The following SLC38A9 variants were observed in gnomAD, a reference collection of about 807,000 sequenced individuals.
SLC38A9 encodes the protein neutral amino acid transporter 9.
Under a neutral mutation model 62.3 loss-of-function variants are expected in SLC38A9, and 48 were observed. That is an observed-to-expected ratio of 0.77 (90% CI 0.61 to 0.98). The LOEUF (loss-of-function observed/expected upper bound fraction) is 0.98. SLC38A9 is among the 50% of genes least tolerant of loss of function. The probability of loss-of-function intolerance (pLI) is 0.00; values close to 1 mark genes in which losing one functional copy is unlikely to be tolerated. For missense variants in SLC38A9, 541 were observed against 679.8 expected (o/e 0.80, Z 2.27); for synonymous variants, 204 against 227.7 (o/e 0.90, Z 0.94).
At chr5:55,691,769 C>T (rs1195538993) in intron 3 of SLC38A9, among the ~76,000 whole-genome samples, 2 of 152,144 alleles carry the variant, frequency 1.3e-5, no homozygotes, top group Admixed American at 6.5e-5. Flanking sequence ...CCTTATTCCA[C>T]CCCCAAATCA....
intron 3 of SLC38A9, among the ~76,000 whole-genome samples, chr5:55,686,387 G>A (rs112641351): frequency 0.039 from 5,938 of 151,224 alleles, 157 homozygotes; most frequent in African/African-American, 0.083. Context: ...GTGATATTGA[G>A]CTTTTTTTAT....
intron 13 of SLC38A9, chr5:55,634,793 C>T (rs1002547397): frequency 6.6e-6 from 1 of 152,180 alleles, no homozygotes; most frequent in African/African-American, 2.4e-5. Flanking sequence ...CCATTGTACT[C>T]TATAAGAGGA....
intron 11 of SLC38A9, among the ~76,000 whole-genome samples, chr5:55,648,966 T>C (rs1746888360): frequency 6.6e-6 from 1 of 151,998 alleles, no homozygotes; most frequent in Non-Finnish European, 1.5e-5. Context: ...ACACAGAAAA[T>C]TCAAGTATTA....
chr5:55,641,760 T>C (rs763406650), intron 12 of SLC38A9, among the ~76,000 whole-genome samples: 3 of 152,214 alleles, frequency 2.0e-5, no homozygotes, highest in Non-Finnish European at 4.4e-5. Flanking sequence ...ACATACACAG[T>C]GACCAGTCAT....
intron 3 of SLC38A9, among the ~76,000 whole-genome samples, chr5:55,689,756 T>C (rs942945664): frequency 9.9e-5 from 15 of 152,198 alleles, no homozygotes; most frequent in African/African-American, 3.1e-4. Context: ...GTTCAACTTA[T>C]GATTTTTTGA....
intron 10 of SLC38A9, among the ~76,000 whole-genome samples, chr5:55,650,691 G>A (rs1212817670): frequency 6.6e-6 from 1 of 152,204 alleles, no homozygotes; most frequent in African/African-American, 2.4e-5. Flanking sequence ...AGTGAATCCT[G>A]TTCCTGAGGC....
rs749362910 is a variant in SLC38A9 at position 55,652,666 on chromosome 5, T to C, written c.815A>G (p.Tyr272Cys). 1.2e-5 allele frequency: 19 copies of C among 1,613,456 alleles called. No homozygotes were observed. The South Asian group carries it at 2.0e-4, about 17-fold the overall frequency. The change falls in exon 10 of 16, where the codon TAT (tyrosine) becomes TGT (cysteine). Residue 272 changes from tyrosine to cysteine, a missense_variant. By Grantham distance (194) the Tyr-to-Cys change is radical (BLOSUM62 -2). Transcript: ENST00000396865. ...GHPDNSSMIF[Y>C]ANDTGAQQFE... is the part of the protein sequence containing the mutation. ...CTGTTGGGCTCCTGTGTCATTGGCA[T>C]AGAAAATCATAGAGCTGTTGTCAGG...
At chr5:55,702,860 T>G (rs2150686822) in intron 2 of SLC38A9, 1 of 152,208 alleles carries the variant, frequency 6.6e-6, no homozygotes, top group Middle Eastern at 3.4e-3. Flanking sequence ...TGCCCAACGT[T>G]TAAGCAAGTC....
intron 8 of SLC38A9, among the ~76,000 whole-genome samples, chr5:55,659,910 C>G (rs927616497): frequency 6.6e-6 from 1 of 151,568 alleles, no homozygotes; most frequent in Non-Finnish European, 1.5e-5. Context: ...GGACTACAGG[C>G]ACCCGCCACC....
At position 55,635,412 on chromosome 5, in the gene SLC38A9, T is replaced by C. The variant is rs140040529; in HGVS notation, c.1281+132A>G. On this transcript the variant is annotated intron_variant, in intron 13 of 15. Transcript: ENST00000396865. The stretch of plus-strand genomic sequence containing the variant: ...AGGGAAGGTGCCTAAATTCCCATAC[T>C]TGGAGTAGATAGCAGAGATGGTATT... 7.5e-5 allele frequency: 54 copies of C among 721,938 alleles called. No homozygotes were observed. In the African/African-American group the frequency reaches 8.5e-4, roughly 11 times the overall value. The allele number at this position is 721,938 out of a possible 1,614,324, so 44.7% of individuals were successfully genotyped here. A position where few individuals can be genotyped will look rare whatever the true frequency, so the allele number is the denominator to read the frequency against.
At chr5:55,692,889 T>C (rs746891629) in intron 3 of SLC38A9, 5 of 978,412 alleles carry the variant, frequency 5.1e-6, no homozygotes, top group Non-Finnish European at 6.1e-6. Flanking sequence ...AAAAGTCTTA[T>C]TTCATTATCT....
At chr5:55,661,171 G>A (rs1749457920) in intron 8 of SLC38A9, among the ~76,000 whole-genome samples, 1 of 151,892 alleles carries the variant, frequency 6.6e-6, no homozygotes. Context: ...TAGGCCGAGC[G>A]CAGTGGCTCA....
At chr5:55,676,972 C>G (rs1469513978) in intron 3 of SLC38A9, among the ~76,000 whole-genome samples, 1 of 152,130 alleles carries the variant, frequency 6.6e-6, no homozygotes, top group East Asian at 1.9e-4. Context: ...TCTGCAATTT[C>G]ACACACATGG....
At chr5:55,680,271 T>C (rs1031481753) in intron 3 of SLC38A9, among the ~76,000 whole-genome samples, 2 of 152,224 alleles carry the variant, frequency 1.3e-5, no homozygotes, top group African/African-American at 4.8e-5. Flanking sequence ...TACATAGATG[T>C]GATGCAAACG....
chr5:55,629,498 G>A (rs1268372006), intron 14 of SLC38A9, among the ~76,000 whole-genome samples: 1 of 152,170 alleles, frequency 6.6e-6, no homozygotes, highest in Non-Finnish European at 1.5e-5. Flanking sequence ...AATATTCTAT[G>A]TGATCAAATA....
intron 4 of SLC38A9, 76 bp from the exon 5 acceptor site, chr5:55,669,955 C>T (rs1751027231): frequency 2.9e-6 from 4 of 1,389,886 alleles, no homozygotes; most frequent in Non-Finnish European, 3.9e-6. Context: ...ATCAGAACAC[C>T]TGACTCTAGA....
chr5:55,669,487 T>G (rs1024186453), intron 6 of SLC38A9, 70 bp downstream of exon 6: 8 of 1,421,782 alleles, frequency 5.6e-6, no homozygotes, highest in Admixed American at 4.2e-5. Flanking sequence ...TATTAAAACC[T>G]CTGTTATAAA....
At chr5:55,637,319 CA>C (rs1423950572) in intron 12 of SLC38A9, among the ~76,000 whole-genome samples, 7 of 152,214 alleles carry the variant, frequency 4.6e-5, no homozygotes, top group Non-Finnish European at 5.9e-5. Context: ...GGCTATGGTG[CA>C]CAGCTTCCAA....
intron 9 of SLC38A9, among the ~76,000 whole-genome samples, chr5:55,653,823 T>C (rs1219164256): frequency 6.6e-6 from 1 of 152,114 alleles, no homozygotes; most frequent in African/African-American, 2.4e-5. Flanking sequence ...CATGCCCGGC[T>C]AATTTTTGTA....
Sources: allele counts gnomAD v4.1 joint callset (sites outside exome capture counted in the v4.1 genomes callset), GRCh38; gene constraint gnomAD v4.1.1; transcripts MANE v1.5; gene names NCBI Gene and HGNC (gene_info 2026-07-23, HGNC 2026-07-21).